WRN: variants seen among roughly 807,000 people sequenced by gnomAD.
The protein encoded by WRN is bifunctional 3'-5' exonuclease/ATP-dependent helicase WRN.
WRN carries 149 observed loss-of-function variants against 180.7 expected under a neutral mutation model. That is an observed-to-expected ratio of 0.82 (90% CI 0.72 to 0.94). WRN has a LOEUF of 0.94. Among genes scored for constraint, WRN ranks in the 40% least tolerant of loss-of-function variants. WRN has a pLI of 0.00. For missense variants in WRN, 1,661 were observed against 1,700.1 expected, an observed-to-expected ratio of 0.98 and a Z score of 0.40; for synonymous variants, 548 against 568.9, an observed-to-expected ratio of 0.96 and a Z score of 0.52.
At chr8:31,041,901 C>G (rs911490633) in intron 1 of WRN, among the ~76,000 whole-genome samples, 30 of 152,066 alleles carry the variant, frequency 2.0e-4, no homozygotes, top group African/African-American at 7.2e-4. Context: ...CTTTTTTATT[C>G]GGGGTTAGAG....
intron 19 of WRN, among the ~76,000 whole-genome samples, chr8:31,113,159 T>C (rs1015067964): frequency 1.4e-5 from 2 of 145,272 alleles, no homozygotes; most frequent in African/African-American, 5.1e-5. Context: ...TGAGCTGAGA[T>C]CACACCACTG....
intron 7 of WRN, among the ~76,000 whole-genome samples, chr8:31,073,021 C>T (rs1041072284): frequency 7.2e-5 from 11 of 152,072 alleles, no homozygotes; most frequent in African/African-American, 2.7e-4. Context: ...GGCCATATCA[C>T]GTAGGGCCTC....
chr8:31,095,514 T>C (rs1435354633), intron 16 of WRN, among the ~76,000 whole-genome samples: 1 of 152,206 alleles, frequency 6.6e-6, no homozygotes, highest in East Asian at 1.9e-4. Flanking sequence ...TCCTAAAAGT[T>C]TTATAGTTTT....
Position 31,174,795 on chromosome 8 carries a change from C to CCCTTCCTTCCTTCCTT in WRN, c.*1705_*1720dup, listed in dbSNP as rs376850933. On this transcript the variant is annotated 3_prime_UTR_variant, in exon 35 of 35. Transcript: ENST00000298139. ...CTCTTTCCTTCCTTCCCTTCCCTTC[C>CCCTTCCTTCCTTCCTT]CCTTCCTTCCTTCCTTCCTTCCTTC... 2.5e-4 allele frequency among the ~76,000 whole-genome samples: 19 copies of CCCTTCCTTCCTTCCTT among 74,640 alleles called. No homozygotes were observed. Among genetic ancestry groups the CCCTTCCTTCCTTCCTT allele is most frequent in the African/African-American group, 7.8e-4 (18 of 23,096 alleles). The allele number at this position is 74,640 out of a possible 152,430, so 49.0% of individuals were successfully genotyped here.
At chr8:31,080,524 G>A (rs77877462) in intron 8 of WRN, among the ~76,000 whole-genome samples, 1 of 130,846 alleles carries the variant, frequency 7.6e-6, no homozygotes, top group South Asian at 2.6e-4. Flanking sequence ...ATGAAATAGG[G>A]TTTTTTTTTT....
intron 24 of WRN, among the ~76,000 whole-genome samples, chr8:31,135,492 T>A (rs1408262985): frequency 6.6e-6 from 1 of 152,182 alleles, no homozygotes; most frequent in Non-Finnish European, 1.5e-5. Context: ...TTATGGAAGA[T>A]GTTACTTAAG....
chr8:31,108,513 A>G (rs919204809), intron 18 of WRN, among the ~76,000 whole-genome samples: 8 of 152,106 alleles, frequency 5.3e-5, no homozygotes, highest in Non-Finnish European at 1.0e-4. Context: ...TTTGAACCCA[A>G]GAACCACTGA....
chr8:31,174,339 G>T lies in WRN; in HGVS notation c.*1237G>T, dbSNP rs1461234852. Among the ~76,000 whole-genome samples, 1 of 152,178 alleles carries T rather than the reference G, an allele frequency of 6.6e-6. No individual in the cohort carries two copies. The highest frequency in any genetic ancestry group is 2.4e-5 in the African/African-American group (1 of 41,450). On this transcript the variant is annotated 3_prime_UTR_variant, in exon 35 of 35. Coordinates refer to ENST00000298139, the MANE Select transcript of WRN (RefSeq NM_000553.6). ...ACAGACACGTCTGCTGCATGCCTAG[G>T]TACGAGGCTGTCTCCAGGAGAAGCA... is the stretch of plus-strand genomic sequence containing the variant.
chr8:31,122,430 C>G (rs1260839565), intron 21 of WRN, among the ~76,000 whole-genome samples: 1 of 151,968 alleles, frequency 6.6e-6, no homozygotes, highest in Non-Finnish European at 1.5e-5. Flanking sequence ...AGAAACTTGT[C>G]CAGTCATCAT....
At chr8:31,155,489 A>T (rs887536214) in intron 32 of WRN, among the ~76,000 whole-genome samples, 1 of 151,844 alleles carries the variant, frequency 6.6e-6, no homozygotes, top group Non-Finnish European at 1.5e-5. Flanking sequence ...GGGCGTAGTG[A>T]CGCATGCCTG....
chr8:31,165,156 CT>C (rs1014674864), intron 33 of WRN, among the ~76,000 whole-genome samples: 1 of 151,952 alleles, frequency 6.6e-6, no homozygotes, highest in Admixed American at 6.6e-5. Flanking sequence ...AAATATCTTA[CT>C]TTTTCTTTTA....
chr8:31,148,227 G>C (rs1802944479), intron 30 of WRN, among the ~76,000 whole-genome samples: 1 of 151,938 alleles, frequency 6.6e-6, no homozygotes, highest in African/African-American at 2.4e-5. Flanking sequence ...TTTGTAAAAC[G>C]GGTTCCTTGT....
chr8:31,067,099 AAAG>A lies in WRN; in HGVS notation c.573_575del (p.Lys191_Asp192delinsAsn), dbSNP rs1288535419. 6.2e-7 allele frequency: 1 copy of A among 1,613,916 alleles called. No homozygotes were observed. The highest frequency in any genetic ancestry group is 8.5e-7 in the Non-Finnish European group (1 of 1,179,982). On this transcript the variant is annotated inframe_deletion, in exon 6 of 35. Transcript: ENST00000298139. ...ACACCTCTTAGGTAAACAGCTCCTGAAAGACAAGTCTATCCGCTGTAGCAATTG... is the reference window on the plus strand; with the variant it reads ...ACACCTCTTAGGTAAACAGCTCCTGAACAAGTCTATCCGCTGTAGCAATTG...
chr8:31,091,962 A>T, intron 16 of WRN, 64 bp downstream of exon 16: 1 of 1,430,614 alleles, frequency 7.0e-7, no homozygotes, highest in Non-Finnish European at 9.8e-7. Flanking sequence ...CAAGTTTGTT[A>T]CGTGGGTGAA....
chr8:31,115,562 T>C (rs1801486129), intron 19 of WRN, among the ~76,000 whole-genome samples: 1 of 152,228 alleles, frequency 6.6e-6, no homozygotes, highest in Non-Finnish European at 1.5e-5. Context: ...TTTTTGTAAA[T>C]TAGAATCCTA....
intron 34 of WRN, among the ~76,000 whole-genome samples, chr8:31,168,204 A>T (rs1262367403): frequency 1.3e-5 from 2 of 152,086 alleles, no homozygotes; most frequent in Non-Finnish European, 2.9e-5. Context: ...TATATTGTTT[A>T]TAACTGAACT....
chr8:31,074,178 G>A (rs1173933082), intron 7 of WRN, among the ~76,000 whole-genome samples: 1 of 151,882 alleles, frequency 6.6e-6, no homozygotes, highest in South Asian at 2.1e-4. Flanking sequence ...ACCCGCCTCG[G>A]CCTCCCAAAG....
intron 19 of WRN, 97 bp downstream of exon 19, chr8:31,111,896 C>T (rs1261176876): frequency 1.5e-6 from 2 of 1,371,444 alleles, no homozygotes; most frequent in African/African-American, 2.9e-5. Context: ...CCTTCTAATG[C>T]ATATTTAACA....
At chr8:31,110,598 TTC>T (rs1263493281) in intron 18 of WRN, among the ~76,000 whole-genome samples, 1 of 152,184 alleles carries the variant, frequency 6.6e-6, no homozygotes, top group Non-Finnish European at 1.5e-5. Context: ...CTAGAAGTGC[TTC>T]TTTGCAAATT....
Sources: gnomAD v4.1 joint callset for allele counts (sites outside exome capture counted in the v4.1 genomes callset) on GRCh38, gnomAD v4.1.1 for gene constraint, MANE v1.5 for transcripts, NCBI Gene and HGNC (gene_info 2026-07-23, HGNC 2026-07-21) for gene names.